Variants in MYOM2 observed in about 807,000 individuals in gnomAD.
The protein encoded by MYOM2 is myomesin 2, also known as myomesin-2.
A neutral mutation model predicts 187.6 loss-of-function variants in MYOM2; 254 were observed. That is an observed-to-expected ratio of 1.35 (90% CI 1.22 to 1.50). MYOM2 has a LOEUF of 1.50. MYOM2 is among the 40% of genes most tolerant of loss of function. The probability of loss-of-function intolerance (pLI) is 0.00; values close to 1 mark genes in which losing one functional copy is unlikely to be tolerated. For missense variants in MYOM2, 2,796 were observed against 1,924.0 expected, an observed-to-expected ratio of 1.45 and a Z score of -8.48; for synonymous variants, 981 against 753.8, an observed-to-expected ratio of 1.30 and a Z score of -4.94.
In MYOM2 at chr8:2,085,342, GCCA is replaced by G; in HGVS notation, c.1599_1601del (p.Pro534del). 1 of 1,614,036 alleles carries G rather than the reference GCCA, an allele frequency of 6.2e-7. No individual in the cohort carries two copies. Among genetic ancestry groups the G allele is most frequent in the Non-Finnish European group, 8.5e-7 (1 of 1,180,002 alleles). On this transcript the variant is annotated inframe_deletion, in exon 14 of 37. Transcript: ENST00000262113. ...GAAACTATGTCGTCCTCAGCTGGGA[GCCA>G]CCCACTCCCCGTGGCAAGGACCCGC...
chr8:2,079,451 G>A (rs906128774), intron 12 of MYOM2, 109 bp from the exon 13 acceptor site: 2 of 1,039,872 alleles, frequency 1.9e-6, no homozygotes, highest in African/African-American at 1.6e-5. Context: ...GGACTCACAG[G>A]TTGTAGTCCT....
rs780216600 is a variant in MYOM2 at position 2,140,892 on chromosome 8, A to G, written c.3964+6A>G. ...CCTTGACCTGTCCGGACAAGGTAAG[A>G]GAATTCTTCTTTAGCATTTAATAAT... On this transcript the variant is annotated splice_donor_region_variant and intron_variant, in intron 33 of 36. Transcript: ENST00000262113. 5 of 1,598,578 alleles carry G rather than the reference A, an allele frequency of 3.1e-6. No individual in the cohort carries two copies. The highest frequency in any genetic ancestry group is 4.3e-6 in the Non-Finnish European group (5 of 1,171,318).
chr8:2,130,888 C>T (rs1447562746), intron 32 of MYOM2, among the ~76,000 whole-genome samples: 1 of 152,218 alleles, frequency 6.6e-6, no homozygotes, highest in African/African-American at 2.4e-5. Context: ...CTAGCTGAAT[C>T]AAACCTTCCC....
intron 32 of MYOM2, among the ~76,000 whole-genome samples, chr8:2,131,041 C>A (rs575611082): frequency 1.3e-5 from 2 of 152,274 alleles, no homozygotes; most frequent in South Asian, 4.2e-4. Context: ...AGGCCACCCC[C>A]CTCTTCAGCC....
At chr8:2,133,871 T>G (rs965849322) in intron 32 of MYOM2, among the ~76,000 whole-genome samples, 1 of 151,974 alleles carries the variant, frequency 6.6e-6, no homozygotes, top group Non-Finnish European at 1.5e-5. Context: ...TATTTCTAAA[T>G]CGTTCACTGT....
At position 2,144,993 on chromosome 8, in the gene MYOM2, T is replaced by C. The variant is rs750287115; in HGVS notation, c.*12T>C. On this transcript the variant is annotated 3_prime_UTR_variant, in exon 37 of 37. Coordinates refer to ENST00000262113, the MANE Select transcript of MYOM2 (RefSeq NM_003970.4). ...CGGCAGGCCAGTGAAGGCGTTTTCC[T>C]AGCCTGGAGATGGGAAAATATGCTT... 1 of 1,611,048 alleles carries C rather than the reference T, an allele frequency of 6.2e-7. No individual in the cohort carries two copies. Among genetic ancestry groups the C allele is most frequent in the Non-Finnish European group, 8.5e-7 (1 of 1,179,184 alleles).
chr8:2,057,678 C>T lies in MYOM2; in HGVS notation c.458C>T (p.Ala153Val), dbSNP rs780974709. 1 of 1,614,100 alleles carries T rather than the reference C, an allele frequency of 6.2e-7. No homozygotes were observed. The highest frequency in any genetic ancestry group is 8.5e-7 in the Non-Finnish European group (1 of 1,180,020). ...ACATTTGAAGAGCGGATAAGCAGGG[C>T]TCCTGAGATCCTGGTGCGGCTGCGA... ...RHTFEERISR[A>V]PEILVRLRSH... Residue 153 changes from alanine (A) to valine (V), a missense_variant, in exon 5 of 37, where the codon GCT becomes GTT. Physicochemically the swap from Ala to Val is moderately conservative, Grantham distance 64. Transcript: ENST00000262113.
chr8:2,049,918 G>A (rs1027458389), intron 1 of MYOM2, among the ~76,000 whole-genome samples: 7 of 152,048 alleles, frequency 4.6e-5, no homozygotes, highest in African/African-American at 1.2e-4. Context: ...CCACACTCTC[G>A]AATTTCCCCA....
At chr8:2,142,234 C>T in intron 34 of MYOM2, 141 bp from the exon 35 acceptor site, 1 of 854,476 alleles carries the variant, frequency 1.2e-6, no homozygotes, top group African/African-American at 1.7e-5. Context: ...GTGACCCGAA[C>T]ATGTTCTTCT....
In MYOM2 at chr8:2,098,951, T is replaced by C. The variant is rs367679203; in HGVS notation, c.2408T>C (p.Phe803Ser). 24 of 1,613,342 alleles carry C rather than the reference T, an allele frequency of 1.5e-5. No homozygotes were observed. Among genetic ancestry groups the C allele is most frequent in the Admixed American group, 1.0e-4 (6 of 59,946 alleles). Residue 803 changes from phenylalanine (F) to serine (S), a missense_variant, in exon 19 of 37, where the codon TTC becomes TCC. By Grantham distance (155) the Phe-to-Ser change is radical (BLOSUM62 -2). Transcript: ENST00000262113. ...GAGCCCTCAGATCCCAGTGAGCACT[T>C]CAAGTGTGAGGCCTGGACCATGCCG... ...IGEPSDPSEH[F>S]KCEAWTMPEP...
intron 4 of MYOM2, 57 bp from the exon 5 acceptor site, chr8:2,057,566 G>C (rs531068574): frequency 6.2e-7 from 1 of 1,612,940 alleles, no homozygotes; most frequent in Admixed American, 1.7e-5. Flanking sequence ...TTGAGGGGCC[G>C]AGGGTGGAGC....
In MYOM2 at chr8:2,117,947, T is replaced by C; in HGVS notation, c.3448T>C (p.Cys1150Arg). The C allele has an allele frequency of 6.2e-7, 1 of 1,612,872 alleles. No individual in the cohort carries two copies. Among genetic ancestry groups the C allele is most frequent in the Middle Eastern group, 1.7e-4 (1 of 6,054 alleles). The change falls in exon 28 of 37, where the codon TGC becomes CGC. Residue 1150 changes from cysteine (C) to arginine (R), a missense_variant. Physicochemically the swap from Cys to Arg is radical, Grantham distance 180 (BLOSUM62 -3). Coordinates refer to ENST00000262113, the MANE Select transcript of MYOM2 (RefSeq NM_003970.4). ...VTEECEVRLV[C>R]KVANTKKETV... Reference sequence around the variant, plus strand: ...GGAAGAATGTGAAGTTCGACTTGTTTGCAAGGTGAGAAACCCGGTTCTAAC... The same window carrying C: ...GGAAGAATGTGAAGTTCGACTTGTTCGCAAGGTGAGAAACCCGGTTCTAAC...
intron 25 of MYOM2, among the ~76,000 whole-genome samples, chr8:2,115,137 T>C (rs760517839): frequency 5.6e-5 from 8 of 143,934 alleles, no homozygotes; most frequent in African/African-American, 7.9e-5. Context: ...AAGGTAAAAA[T>C]ATCAAGCCCC....
chr8:2,111,181 C>G (rs1797057321), intron 25 of MYOM2, among the ~76,000 whole-genome samples: 1 of 152,164 alleles, frequency 6.6e-6, no homozygotes, highest in East Asian at 1.9e-4. Context: ...GGCTTCATGG[C>G]TAATCTTTTG....
chr8:2,078,975 T>C (rs114103224), intron 12 of MYOM2, 42 bp downstream of exon 12: 7 of 1,588,126 alleles, frequency 4.4e-6, no homozygotes, highest in African/African-American at 4.0e-5. Flanking sequence ...CCCAGGAAGC[T>C]TTGGCTGTTT....
At chr8:2,070,352 T>C (rs904853786) in intron 8 of MYOM2, among the ~76,000 whole-genome samples, 2 of 152,270 alleles carry the variant, frequency 1.3e-5, no homozygotes, top group African/African-American at 4.8e-5. Flanking sequence ...TGGAGCCTCC[T>C]GGCAGCTGCT....
At chr8:2,091,842 GC>G (rs2116735045) in intron 15 of MYOM2, among the ~76,000 whole-genome samples, 1 of 152,302 alleles carries the variant, frequency 6.6e-6, no homozygotes, top group East Asian at 1.9e-4. Context: ...GACACAGGTG[GC>G]CCCAAGGCCT....
chr8:2,115,889 T>C, intron 25 of MYOM2, 71 bp from the exon 26 acceptor site: 1 of 1,522,816 alleles, frequency 6.6e-7, no homozygotes, highest in South Asian at 1.2e-5. Context: ...GATGCAATTG[T>C]TAAATGTTGC....
intron 27 of MYOM2, among the ~76,000 whole-genome samples, chr8:2,117,548 A>G (rs1451439081): frequency 6.6e-6 from 1 of 152,212 alleles, no homozygotes; most frequent in African/African-American, 2.4e-5. Context: ...GAAACAAAAT[A>G]TAATTATTTC....
Sources: allele counts gnomAD v4.1 joint callset (sites outside exome capture counted in the v4.1 genomes callset), GRCh38; gene constraint gnomAD v4.1.1; transcripts MANE v1.5; gene names NCBI Gene and HGNC (gene_info 2026-07-23, HGNC 2026-07-21).